MACROD2: variants seen among roughly 807,000 people sequenced by gnomAD.
MACROD2 encodes ADP-ribose glycohydrolase MACROD2.
A neutral mutation model predicts 70.4 loss-of-function variants in MACROD2; 36 were observed. The ratio of observed to expected loss-of-function variants is 0.51; its 90% CI spans 0.39 to 0.68. The LOEUF (loss-of-function observed/expected upper bound fraction) is 0.68. MACROD2 is among the 30% of genes least tolerant of loss of function. The pLI, the probability that MACROD2 is intolerant of heterozygous loss-of-function variation, is 0.00. For missense variants in MACROD2, 496 were observed against 538.4 expected (o/e 0.92, Z 0.78); for synonymous variants, 172 against 178.8 (o/e 0.96, Z 0.30).
chr20:14,529,202 A>C (rs2085273191), intron 4 of MACROD2, among the ~76,000 whole-genome samples: 1 of 152,246 alleles, frequency 6.6e-6, no homozygotes, highest in Admixed American at 6.5e-5. Flanking sequence ...TTAGGCTTCA[A>C]GTAACAAGAA....
At chr20:14,953,731 G>C (rs548339128) in intron 5 of MACROD2, among the ~76,000 whole-genome samples, 1 of 152,328 alleles carries the variant, frequency 6.6e-6, no homozygotes, top group South Asian at 2.1e-4. Flanking sequence ...AAGGCATTCT[G>C]AGGCCAACAT....
rs142839621 is a variant in MACROD2, at chr20:14,625,156, G to A, written c.302-59687G>A. Among the ~76,000 whole-genome samples the A allele has an allele frequency of 9.4e-3, 1,435 of 151,860 alleles. 16 individuals are homozygous for A. The highest frequency in any genetic ancestry group is 0.031 in the African/African-American group (1,281 of 41,408). On this transcript the variant is annotated intron_variant, in intron 4 of 17. Coordinates refer to ENST00000684519, the MANE Select transcript of MACROD2 (RefSeq NM_001351661.2). The stretch of plus-strand genomic sequence containing the variant: ...ACCAGCCTGACCAACATGAAACCCC[G>A]TCTCTACTAAAAAGACAATAATTAG...
At position 15,256,231 on chromosome 20, in the gene MACROD2, CCTCTT is replaced by C. The variant is rs1316991280; in HGVS notation, c.540+26173_540+26177del. ...TTGAGTTTTTTGCAGCTCTTACTCT[CCTCTT>C]CTTTTGTGTTTGAAAATTTAAAAAG... is the stretch of plus-strand genomic sequence containing the variant. On this transcript the variant is annotated intron_variant, in intron 6 of 17. Transcript: ENST00000684519. Among the ~76,000 whole-genome samples, 8 of 152,104 alleles carry C rather than the reference CCTCTT, an allele frequency of 5.3e-5. No homozygotes were observed. The East Asian group carries it at 5.8e-4, about 11-fold the overall frequency.
At chr20:14,179,035 C>T (rs1014382175) in intron 3 of MACROD2, among the ~76,000 whole-genome samples, 6 of 152,188 alleles carry the variant, frequency 3.9e-5, no homozygotes, top group South Asian at 4.2e-4. Context: ...TGGAGGATGA[C>T]TTTTACCTCT....
rs11471542 is a variant in MACROD2, at chr20:14,536,626, G to GGTGTGTGTGT, written c.301+43146_301+43155dup. ...GGGCTGAAACCCAATAGGTAACATT[G>GGTGTGTGTGT]GTGTGTGTGTGTGTGTGTGTGTGTG... On this transcript the variant is annotated intron_variant, in intron 4 of 17. Coordinates refer to ENST00000684519, the MANE Select transcript of MACROD2 (RefSeq NM_001351661.2). Among the ~76,000 whole-genome samples, 422 of 139,162 alleles carry GGTGTGTGTGT rather than the reference G, an allele frequency of 3.0e-3. 2 individuals carry two copies. Among genetic ancestry groups the GGTGTGTGTGT allele is most frequent in the South Asian group, 5.4e-3 (23 of 4,278 alleles). 91.3% of individuals were successfully genotyped at this position (139,162 alleles called of 152,430 possible).
chr20:15,562,542 T>G (rs2048258430), intron 8 of MACROD2, among the ~76,000 whole-genome samples: 1 of 151,858 alleles, frequency 6.6e-6, no homozygotes, highest in South Asian at 2.1e-4. Context: ...AGGTAATGTT[T>G]GTGTGTGTGT....
intron 6 of MACROD2, among the ~76,000 whole-genome samples, chr20:15,349,601 A>G (rs963696594): frequency 6.6e-6 from 1 of 151,966 alleles, no homozygotes; most frequent in African/African-American, 2.4e-5. Context: ...CTAAAAATAA[A>G]AAAAATTAGC....
chr20:15,367,890 T>A (rs191833470), intron 6 of MACROD2, among the ~76,000 whole-genome samples: 42 of 152,286 alleles, frequency 2.8e-4, no homozygotes, highest in African/African-American at 1.0e-3. Flanking sequence ...CTTTTTAAAC[T>A]ATATTTTATA....
intron 3 of MACROD2, among the ~76,000 whole-genome samples, chr20:14,346,093 CAAAAAAAAAAAAAAAAAAA>C (rs71190130): frequency 2.7e-4 from 11 of 41,152 alleles, no homozygotes; most frequent in Non-Finnish European, 3.5e-4. Flanking sequence ...GATTCTGCCT[CAAAAAAAAAAAAAAAAAAA>C]AAAAAAAAAA....
At chr20:14,999,399 C>A (rs1348041898) in intron 5 of MACROD2, among the ~76,000 whole-genome samples, 2 of 152,222 alleles carry the variant, frequency 1.3e-5, no homozygotes, top group African/African-American at 4.8e-5. Flanking sequence ...TGACTCACAC[C>A]TGTAATCCCA....
At chr20:15,924,707 A>G (rs1207961572) in intron 10 of MACROD2, among the ~76,000 whole-genome samples, 2 of 152,230 alleles carry the variant, frequency 1.3e-5, no homozygotes, top group East Asian at 1.9e-4. Context: ...TGACAAAGCT[A>G]TATAACAGCT....
At chr20:14,532,047 T>C (rs1208185686) in intron 4 of MACROD2, among the ~76,000 whole-genome samples, 1 of 152,172 alleles carries the variant, frequency 6.6e-6, no homozygotes, top group African/African-American at 2.4e-5. Flanking sequence ...CAATTTGTAC[T>C]CACTGTAGAT....
intron 5 of MACROD2, among the ~76,000 whole-genome samples, chr20:15,013,875 G>A (rs2075102038): frequency 6.6e-6 from 1 of 152,172 alleles, no homozygotes; most frequent in Non-Finnish European, 1.5e-5. Context: ...TGATCACTCT[G>A]AGCAGAAGGA....
At chr20:14,226,883 G>A (rs567677276) in intron 3 of MACROD2, among the ~76,000 whole-genome samples, 1 of 152,360 alleles carries the variant, frequency 6.6e-6, no homozygotes, top group East Asian at 1.9e-4. Flanking sequence ...CAAGGGCTGA[G>A]GAGTGCGGGC....
intron 5 of MACROD2, among the ~76,000 whole-genome samples, chr20:15,077,389 A>G (rs2075666211): frequency 6.6e-6 from 1 of 152,132 alleles, no homozygotes; most frequent in Non-Finnish European, 1.5e-5. Flanking sequence ...ATGAGTAGGG[A>G]AAAAAAGTTA....
At chr20:14,853,673 TG>T in intron 5 of MACROD2, among the ~76,000 whole-genome samples, 1 of 152,282 alleles carries the variant, frequency 6.6e-6, no homozygotes, top group African/African-American at 2.4e-5. Context: ...ATGAGTATGC[TG>T]CATCGATAGA....
chr20:14,191,918 A>G lies in MACROD2; in HGVS notation c.271+106190A>G, dbSNP rs550810537. Among the ~76,000 whole-genome samples, 3 of 150,502 alleles carry G rather than the reference A, an allele frequency of 2.0e-5. No individual in the cohort carries two copies. In the South Asian group the frequency reaches 6.4e-4, roughly 32 times the overall value. Reference sequence around the variant, plus strand: ...TGAGGAGCCATCAGAGGGTTTTTGAAGAGATAAGTCACTTGATCTGACTTA... The same window carrying G: ...TGAGGAGCCATCAGAGGGTTTTTGAGGAGATAAGTCACTTGATCTGACTTA... On this transcript the variant is annotated intron_variant, in intron 3 of 17. Coordinates refer to ENST00000684519, the MANE Select transcript of MACROD2 (RefSeq NM_001351661.2).
At chr20:15,728,065 G>T (rs763622282) in intron 8 of MACROD2, among the ~76,000 whole-genome samples, 1 of 152,040 alleles carries the variant, frequency 6.6e-6, no homozygotes, top group South Asian at 2.1e-4. Context: ...ATTATTTTGA[G>T]GTATGTTCCT....
intron 3 of MACROD2, among the ~76,000 whole-genome samples, chr20:14,237,764 A>G (rs989506245): frequency 7.0e-5 from 10 of 142,744 alleles, no homozygotes; most frequent in Non-Finnish European, 1.5e-4. Context: ...TCATTGTTCA[A>G]TTCCCACCTA....
Sources: allele counts gnomAD v4.1 joint callset (sites outside exome capture counted in the v4.1 genomes callset), GRCh38; gene constraint gnomAD v4.1.1; transcripts MANE v1.5; gene names NCBI Gene and HGNC (gene_info 2026-07-23, HGNC 2026-07-21).